The following AKAP13 variants were observed in gnomAD, a reference collection of about 807,000 sequenced individuals.
The protein encoded by AKAP13 is A-kinase anchoring protein 13.
In AKAP13, 80 loss-of-function variants were observed where a neutral mutation model predicts 264.5. That is an observed-to-expected ratio of 0.30 (90% CI 0.25 to 0.36). The LOEUF (loss-of-function observed/expected upper bound fraction) is 0.36. Ranked by LOEUF, AKAP13 falls within the 10% of genes least tolerant of loss-of-function variation. AKAP13 has a pLI of 1.00. For synonymous variants in AKAP13, 1,380 were observed against 1,250.2 expected (o/e 1.10, Z -2.19); for missense variants, 3,712 against 3,435.2 (o/e 1.08, Z -2.01).
At chr15:85,548,578 C>T (rs932512984) in intron 5 of AKAP13, among the ~76,000 whole-genome samples, 9 of 152,022 alleles carry the variant, frequency 5.9e-5, no homozygotes, top group Non-Finnish European at 1.3e-4. Context: ...CTGCCTACAT[C>T]ACAAGGTTAT....
intron 5 of AKAP13, among the ~76,000 whole-genome samples, chr15:85,570,756 A>G (rs2078789768): frequency 6.6e-6 from 1 of 152,146 alleles, no homozygotes; most frequent in Non-Finnish European, 1.5e-5. Context: ...TTGGGTGAGA[A>G]CTGATCGACA....
intron 2 of AKAP13, chr15:85,520,519 AAAAG>A: frequency 1.7e-5 from 6 of 359,114 alleles, no homozygotes; most frequent in East Asian, 7.3e-5. Context: ...AAAAAAAAAA[AAAAG>A]CAACTGAAAG....
At chr15:85,578,200 T>C (rs1281857687) in intron 6 of AKAP13, among the ~76,000 whole-genome samples, 2 of 152,186 alleles carry the variant, frequency 1.3e-5, no homozygotes, top group African/African-American at 4.8e-5. Context: ...GCAGGGTCAC[T>C]TGAGCCCAGG....
In AKAP13 at chr15:85,676,286, G is replaced by C. The variant is rs546951456; in HGVS notation, c.5102-5872G>C. On this transcript the variant is annotated intron_variant, in intron 14 of 36. Transcript: ENST00000394518. ...ACCAAGGCAGAGAGCAGTGGCAATAGGGGAGGAATAGAGGTTGAGCTGGAA... is the reference window on the plus strand; with the variant it reads ...ACCAAGGCAGAGAGCAGTGGCAATACGGGAGGAATAGAGGTTGAGCTGGAA... 1.1e-4 allele frequency among the ~76,000 whole-genome samples: 17 copies of C among 152,336 alleles called. No individual in the cohort carries two copies. In the East Asian group the frequency reaches 2.7e-3, roughly 24 times the overall value.
rs144188136 is a variant in AKAP13 at position 85,446,361 on chromosome 15, A to G, written c.-11-39349A>G. ...ACGAAATAGGATTTGTTGGGAGGCA[A>G]TGTAGGCAGTGAAGGAGAAGGAAAT... On this transcript the variant is annotated intron_variant, in intron 1 of 36. Coordinates refer to ENST00000394518, the MANE Select transcript of AKAP13 (RefSeq NM_007200.5). Among the ~76,000 whole-genome samples the G allele has an allele frequency of 4.1e-3, 631 of 152,276 alleles. 7 individuals are homozygous for G. The highest frequency in any genetic ancestry group is 0.03 in the East Asian group (157 of 5,184).
intron 12 of AKAP13, among the ~76,000 whole-genome samples, chr15:85,662,235 T>A (rs552709225): frequency 3.3e-5 from 5 of 152,366 alleles, no homozygotes; most frequent in South Asian, 2.1e-4. Context: ...ATAGCCTTTT[T>A]AAAAATTGTC....
At chr15:85,635,373 G>A (rs922565776) in intron 8 of AKAP13, among the ~76,000 whole-genome samples, 1 of 152,030 alleles carries the variant, frequency 6.6e-6, no homozygotes, top group Non-Finnish European at 1.5e-5. Context: ...TAAATAAAAT[G>A]TTTATTCAAA....
intron 3 of AKAP13, among the ~76,000 whole-genome samples, chr15:85,530,282 T>C (rs1425652048): frequency 6.6e-6 from 1 of 152,244 alleles, no homozygotes; most frequent in African/African-American, 2.4e-5. Context: ...ATTTCTGTGC[T>C]GATACTTACT....
intron 1 of AKAP13, among the ~76,000 whole-genome samples, chr15:85,443,290 G>A (rs961945634): frequency 3.3e-5 from 5 of 151,940 alleles, no homozygotes; most frequent in African/African-American, 1.2e-4. Context: ...TTTTAGCTTT[G>A]GTGTTTATTA....
intron 1 of AKAP13, among the ~76,000 whole-genome samples, chr15:85,400,250 A>T (rs2071358184): frequency 6.6e-6 from 1 of 152,206 alleles, no homozygotes; most frequent in South Asian, 2.1e-4. Context: ...TCTACAAAAT[A>T]AAAATTAAAA....
intron 1 of AKAP13, among the ~76,000 whole-genome samples, chr15:85,484,706 A>G (rs1156721299): frequency 1.3e-5 from 2 of 152,162 alleles, no homozygotes; most frequent in Non-Finnish European, 2.9e-5. Context: ...TGGTTCTGTT[A>G]TTTGAGTTAG....
intron 6 of AKAP13, among the ~76,000 whole-genome samples, chr15:85,575,534 A>T (rs919566342): frequency 3.9e-5 from 6 of 152,184 alleles, no homozygotes; most frequent in Non-Finnish European, 7.3e-5. Flanking sequence ...TCTACTAAAA[A>T]TACAAAAAAT....
chr15:85,701,120 A>G lies in AKAP13; in HGVS notation c.5465-6899A>G, dbSNP rs2085884616. ...TAGAGTTTTTCTAGTATTTTGGAAA[A>G]CCAGTGAAATAGTGGATTGGCTACT... On this transcript the variant is annotated intron_variant, in intron 17 of 36. Coordinates refer to ENST00000394518, the MANE Select transcript of AKAP13 (RefSeq NM_007200.5). 2 of 152,200 alleles carry G rather than the reference A, an allele frequency of 1.3e-5. 1 individual carries two copies. The highest frequency in any genetic ancestry group is 4.1e-4 in the South Asian group (2 of 4,832). 9.4% of individuals were successfully genotyped at this position (152,200 alleles called of 1,614,324 possible).
chr15:85,552,853 A>C (rs904923608), intron 5 of AKAP13, among the ~76,000 whole-genome samples: 1 of 151,886 alleles, frequency 6.6e-6, no homozygotes, highest in East Asian at 1.9e-4. Flanking sequence ...GTTTTTATAC[A>C]TGATTTTGGC....
intron 1 of AKAP13, among the ~76,000 whole-genome samples, chr15:85,476,265 C>G (rs1397941209): frequency 2.0e-5 from 3 of 152,070 alleles, no homozygotes; most frequent in African/African-American, 7.3e-5. Context: ...TTTGGAGGCA[C>G]CAGAGGGGTA....
chr15:85,699,012 A>G (rs1597101860), intron 17 of AKAP13, among the ~76,000 whole-genome samples: 1 of 151,876 alleles, frequency 6.6e-6, no homozygotes, highest in Non-Finnish European at 1.5e-5. Context: ...CCCAAGGACC[A>G]TAGTGTGCCA....
chr15:85,438,414 C>T (rs1203068331), intron 1 of AKAP13, among the ~76,000 whole-genome samples: 11 of 151,232 alleles, frequency 7.3e-5, no homozygotes, highest in Non-Finnish European at 1.0e-4. Context: ...ACAGATTCAA[C>T]TCCATCCCCA....
intron 8 of AKAP13, among the ~76,000 whole-genome samples, chr15:85,610,756 A>G (rs1157514956): frequency 6.6e-6 from 1 of 152,126 alleles, no homozygotes; most frequent in Non-Finnish European, 1.5e-5. Flanking sequence ...TGGGTGGATC[A>G]CCTGAGGTCA....
At chr15:85,667,374 G>A (rs1190015357) in intron 13 of AKAP13, among the ~76,000 whole-genome samples, 2 of 152,052 alleles carry the variant, frequency 1.3e-5, no homozygotes, top group East Asian at 1.9e-4. Context: ...GAAGGAGTTA[G>A]AAAAAATAAG....
Sources: allele counts gnomAD v4.1 joint callset (sites outside exome capture counted in the v4.1 genomes callset), GRCh38; gene constraint gnomAD v4.1.1; transcripts MANE v1.5; gene names NCBI Gene and HGNC (gene_info 2026-07-23, HGNC 2026-07-21).